The following SETD2 variants were observed in gnomAD, a reference collection of about 807,000 sequenced individuals.
The protein encoded by SETD2 is SET domain containing 2, histone lysine methyltransferase.
In SETD2, 31 loss-of-function variants were observed where a neutral mutation model predicts 242.1. The observed-to-expected ratio is 0.13, with a 90% CI of 0.10 to 0.17. SETD2 has a LOEUF of 0.17. Ranked by LOEUF, SETD2 falls within the 10% of genes least tolerant of loss-of-function variation. The pLI is 1.00. For synonymous variants in SETD2, 1,006 were observed against 1,066.5 expected (o/e 0.94, Z 1.11); for missense variants, 2,481 against 3,046.3 (o/e 0.81, Z 4.37).
intron 12 of SETD2, among the ~76,000 whole-genome samples, chr3:47,069,700 CA>C (rs909253917): frequency 6.6e-6 from 1 of 152,098 alleles, no homozygotes; most frequent in Admixed American, 6.5e-5. Context: ...GGTACATTCC[CA>C]TCTGCTACTA....
chr3:47,027,336 C>CAAAAAAAAAAAAAAAAA (rs145911577), intron 18 of SETD2, among the ~76,000 whole-genome samples: 2 of 103,738 alleles, frequency 1.9e-5, no homozygotes, highest in Non-Finnish European at 3.5e-5. Flanking sequence ...GACTCCATCT[C>CAAAAAAAAAAAAAAAAA]AAAAAAAAAA....
chr3:47,109,697 T>A (rs1216420825), intron 5 of SETD2, among the ~76,000 whole-genome samples: 1 of 152,020 alleles, frequency 6.6e-6, no homozygotes. Flanking sequence ...TAAAAAAGCC[T>A]CATTTCGGCC....
chr3:47,118,531 G>C (rs532982663), intron 3 of SETD2, among the ~76,000 whole-genome samples: 7 of 151,886 alleles, frequency 4.6e-5, no homozygotes, highest in African/African-American at 1.7e-4. Flanking sequence ...AGACCAGCCT[G>C]GCCAACATGG....
At position 47,017,307 on chromosome 3, in the gene SETD2, T is replaced by C. The variant is rs112308602; in HGVS notation, c.7534-53A>G. On this transcript the variant is annotated intron_variant, in intron 20 of 20. Transcript: ENST00000409792. The surrounding 1 kb of genome is among the most constrained non-coding windows in gnomAD (Gnocchi z 4.8). ...CAGCCACCAATCAGAGCAGAAATTA[T>C]ATGAGGGGGAGGACAGGGGTGGTAA... The C allele has an allele frequency of 6.3e-6, 10 of 1,597,052 alleles. No individual in the cohort carries two copies. In the African/African-American group the frequency reaches 6.7e-5, roughly 11 times the overall value.
intron 13 of SETD2, 122 bp from the exon 14 acceptor site, chr3:47,062,468 A>T (rs2040381043): frequency 1.2e-6 from 1 of 845,810 alleles, no homozygotes; most frequent in Non-Finnish European, 1.8e-6. Flanking sequence ...GTATCTATGG[A>T]CTCCTCCGTC....
intron 3 of SETD2, among the ~76,000 whole-genome samples, chr3:47,117,754 GAGA>G (rs1465610059): frequency 6.6e-6 from 1 of 152,160 alleles, no homozygotes; most frequent in Non-Finnish European, 1.5e-5. Context: ...ATTTATTTTG[GAGA>G]AGAACATAAA....
rs1487671763 is a variant in SETD2, at chr3:47,123,750, A to G, written c.886T>C (p.Ser296Pro). The change falls in exon 3 of 21, where the codon TCT becomes CCT. Residue 296 changes from serine (S) to proline (P), a missense_variant. By Grantham distance (74) the Ser-to-Pro change is moderately conservative. Transcript: ENST00000409792. ...IGKDEEIPDS[S>P]KISLSCKKTG... ...TTTTTACAGCTCAGACTAATCTTAGAACTATCTGGAATTTCTTCATCCTTC... is the reference window on the plus strand; with the variant it reads ...TTTTTACAGCTCAGACTAATCTTAGGACTATCTGGAATTTCTTCATCCTTC... The G allele has an allele frequency of 6.5e-7, 1 of 1,549,930 alleles. No individual in the cohort carries two copies. The highest frequency in any genetic ancestry group is 2.4e-5 in the East Asian group (1 of 40,912).
chr3:47,133,196 ATC>A (rs1351743389), intron 1 of SETD2, among the ~76,000 whole-genome samples: 1 of 152,102 alleles, frequency 6.6e-6, no homozygotes, highest in African/African-American at 2.4e-5. Context: ...TATATAGGAA[ATC>A]TCTGTGTTTT....
In SETD2 at chr3:47,122,603, C is replaced by A. The variant is rs2106682662; in HGVS notation, c.2033G>T (p.Gly678Val). ...AAATGTTGCCAAATCAGATTCTGCC[C>A]CAGGAGATCCATTTATATTTAATTC... ...PIELNINGSPGAESDLATFCT... is the reference protein window; with the variant it reads ...PIELNINGSPVAESDLATFCT... Residue 678 changes from glycine (G) to valine (V), a missense_variant, in exon 3 of 21, where the codon GGG (glycine) becomes GTG (valine). By Grantham distance (109) the Gly-to-Val change is moderately radical. Coordinates refer to ENST00000409792, the MANE Select transcript of SETD2 (RefSeq NM_014159.7). The A allele has an allele frequency of 6.2e-7, 1 of 1,613,972 alleles. No individual in the cohort carries two copies.
chr3:47,063,749 C>T (rs978848341), intron 13 of SETD2, among the ~76,000 whole-genome samples: 1 of 152,066 alleles, frequency 6.6e-6, no homozygotes, highest in Non-Finnish European at 1.5e-5. Flanking sequence ...CTTTGGGAGG[C>T]CAAGGCGGGC....
chr3:47,029,317 C>T (rs2038655088), intron 18 of SETD2, among the ~76,000 whole-genome samples: 2 of 151,690 alleles, frequency 1.3e-5, no homozygotes. Flanking sequence ...TTTGGCATCC[C>T]AAAGTGCTAG....
chr3:47,035,077 T>C (rs1206448645), intron 18 of SETD2, among the ~76,000 whole-genome samples: 1 of 152,126 alleles, frequency 6.6e-6, no homozygotes, highest in Non-Finnish European at 1.5e-5. Flanking sequence ...CTCTGGGTGG[T>C]TGGATATAGT....
At chr3:47,026,368 A>G (rs1470912128) in intron 18 of SETD2, among the ~76,000 whole-genome samples, 2 of 152,224 alleles carry the variant, frequency 1.3e-5, no homozygotes, top group Non-Finnish European at 2.9e-5. Context: ...AGTGTAAATT[A>G]GTTCAACCAT....
chr3:47,114,374 C>T (rs55691981), intron 4 of SETD2, among the ~76,000 whole-genome samples: 20,554 of 152,196 alleles, frequency 0.14, 1,824 homozygotes, highest in Non-Finnish European at 0.2. Flanking sequence ...CTACTCTAAT[C>T]ACTTTTAATT....
At chr3:47,087,141 G>C (rs1276071336) in intron 10 of SETD2, among the ~76,000 whole-genome samples, 1 of 150,120 alleles carries the variant, frequency 6.7e-6, no homozygotes, top group African/African-American at 2.4e-5. Flanking sequence ...AGATCACGTA[G>C]TACAAATGGC....
intron 7 of SETD2, among the ~76,000 whole-genome samples, chr3:47,101,892 T>C (rs2042228980): frequency 6.6e-6 from 1 of 152,208 alleles, no homozygotes; most frequent in Non-Finnish European, 1.5e-5. Flanking sequence ...GATTCACTTG[T>C]ACTAAAAATT....
At chr3:47,021,071 A>G (rs2038197274) in intron 18 of SETD2, among the ~76,000 whole-genome samples, 1 of 152,224 alleles carries the variant, frequency 6.6e-6, no homozygotes, top group South Asian at 2.1e-4. Context: ...AAGCAAAAAT[A>G]ATGCTAATAA....
intron 12 of SETD2, among the ~76,000 whole-genome samples, chr3:47,068,349 G>C (rs2107603416): frequency 6.6e-6 from 1 of 152,258 alleles, no homozygotes; most frequent in South Asian, 2.1e-4. Flanking sequence ...GGACTGCACA[G>C]ATCCAGGGAA....
rs2106697842 is a variant in SETD2, at chr3:47,123,202, A to T, written c.1434T>A (p.Ser478=). 6.3e-7 allele frequency: 1 copy of T among 1,584,208 alleles called. No homozygotes were observed. The highest frequency in any genetic ancestry group is 1.3e-5 in the African/African-American group (1 of 74,160). The change falls in exon 3 of 21, where the codon TCT becomes TCA. Residue 478 remains serine, a synonymous_variant. Coordinates refer to ENST00000409792, the MANE Select transcript of SETD2 (RefSeq NM_014159.7). ...TYSRRTSSHS[S]SYRDLRTSSY... ...ATGATGTCCTTAGGTCTCTGTAAGA[A>T]GAGGAATGAGATGAGGTACGCCTTG...
Sources: allele counts gnomAD v4.1 joint callset (sites outside exome capture counted in the v4.1 genomes callset), GRCh38; gene constraint gnomAD v4.1.1; non-coding constraint Gnocchi (gnomAD v3.1); transcripts MANE v1.5; gene names NCBI Gene and HGNC (gene_info 2026-07-23, HGNC 2026-07-21).